Variants in CELA3A observed in about 807,000 individuals in gnomAD.
The protein encoded by CELA3A is chymotrypsin-like elastase family member 3A.
A neutral mutation model predicts 38.6 loss-of-function variants in CELA3A; 35 were observed. That is an observed-to-expected ratio of 0.91 (90% CI 0.69 to 1.20). CELA3A has a LOEUF of 1.20. Ranked by LOEUF, CELA3A falls within the 50% of genes most tolerant of loss-of-function variation. The probability of loss-of-function intolerance (pLI) is 0.00; values close to 1 mark genes in which losing one functional copy is unlikely to be tolerated. For synonymous variants in CELA3A, 143 were observed against 136.7 expected (o/e 1.05, Z -0.32); for missense variants, 343 against 354.2 (o/e 0.97, Z 0.25).
In CELA3A at chr1:22,005,691, G is replaced by A. The variant is rs1362569758; in HGVS notation, c.257G>A (p.Gly86Asp). The A allele has an allele frequency of 4.3e-6, 7 of 1,612,458 alleles. No individual in the cohort carries two copies. The highest frequency in any genetic ancestry group is 2.2e-5 in the South Asian group (2 of 91,030). ...SRDLTYQVVLGEYNLAVKEGP... is the reference protein window; with the variant it reads ...SRDLTYQVVLDEYNLAVKEGP... Reference sequence around the variant, plus strand: ...GATCTGACCTACCAGGTGGTGTTGGGTGAGTACAACCTTGCTGTGAAGGAG... The same window carrying A: ...GATCTGACCTACCAGGTGGTGTTGGATGAGTACAACCTTGCTGTGAAGGAG... The change falls in exon 4 of 8, where the codon GGT becomes GAT. Residue 86 changes from glycine to aspartate, a missense_variant. Gly to Asp is a moderately conservative substitution (Grantham distance 94). Transcript: ENST00000290122.
intron 6 of CELA3A, among the ~76,000 whole-genome samples, chr1:22,008,264 T>C (rs1439325142): frequency 6.8e-6 from 1 of 146,216 alleles, no homozygotes; most frequent in African/African-American, 2.5e-5. Context: ...AACCCTCCAA[T>C]GTCAGCCTCC....
chr1:22,001,827 G>A (rs1227120136), intron 1 of CELA3A, 110 bp downstream of exon 1: 27 of 1,476,718 alleles, frequency 1.8e-5, no homozygotes, highest in Non-Finnish European at 2.6e-5. Flanking sequence ...TTCCACAGGA[G>A]GGGGTCTCAG....
rs1022399400 is a variant in CELA3A, at chr1:22,011,420, A to G, written c.796-1030A>G. Among the ~76,000 whole-genome samples the G allele has an allele frequency of 8.0e-5, 11 of 137,280 alleles. 1 individual carries two copies. In the Admixed American group the frequency reaches 8.4e-4, roughly 10 times the overall value. 90.1% of individuals were successfully genotyped at this position (137,280 alleles called of 152,430 possible). A position where few individuals can be genotyped will look rare whatever the true frequency, so the allele number is the denominator to read the frequency against. On this transcript the variant is annotated intron_variant, in intron 7 of 7. Coordinates refer to ENST00000290122, the MANE Select transcript of CELA3A (RefSeq NM_005747.5). ...ACAAACAAACAAAAAAACAGTGATG[A>G]TTTATAGACCATTTAATCCCTTGGT... is the stretch of plus-strand genomic sequence containing the variant.
In CELA3A at chr1:22,005,670, T is replaced by A. The variant is rs777550507; in HGVS notation, c.236T>A (p.Leu79Gln). 7 of 1,612,326 alleles carry A rather than the reference T, an allele frequency of 4.3e-6. No individual in the cohort carries two copies. The Admixed American group carries it at 1.2e-4, about 27-fold the overall frequency. Residue 79 changes from leucine to glutamine, a missense_variant, in exon 4 of 8, where the codon CTG becomes CAG. Physicochemically the swap from Leu to Gln is moderately radical, Grantham distance 113. Coordinates refer to ENST00000290122, the MANE Select transcript of CELA3A (RefSeq NM_005747.5). ...CTCACCTCTGCCTGCAGGAGGGATC[T>A]GACCTACCAGGTGGTGTTGGGTGAG... ...VTAGHCISRD[L>Q]TYQVVLGEYN...
chr1:22,011,736 G>C (rs551319462), intron 7 of CELA3A, among the ~76,000 whole-genome samples: 1 of 123,340 alleles, frequency 8.1e-6, no homozygotes, highest in Non-Finnish European at 1.7e-5. Flanking sequence ...CTCCAGCCTC[G>C]GTGACAGAGC....
chr1:22,005,453 C>A lies in CELA3A; in HGVS notation c.136C>A (p.Leu46Met), dbSNP rs763815717. The change falls in exon 3 of 8, where the codon CTG becomes ATG. Residue 46 changes from leucine to methionine, a missense_variant. By Grantham distance (15) the Leu-to-Met change is conservative. Transcript: ENST00000290122. ...VPYSWPWQVS[L>M]QYEKSGSFYH... The stretch of plus-strand genomic sequence containing the variant: ...TTTCCTCCTGGGCCACCAGGTTTCC[C>A]TGCAGTATGAGAAAAGTGGAAGCTT... The A allele has an allele frequency of 1.3e-5, 21 of 1,612,358 alleles. No individual in the cohort carries two copies. The African/African-American group carries it at 2.5e-4, about 20-fold the overall frequency.
At position 22,009,587 on chromosome 1, in the gene CELA3A, G is replaced by A. The variant is rs192346785; in HGVS notation, c.643-118G>A. 9.2e-5 allele frequency: 116 copies of A among 1,256,334 alleles called. 4 individuals are homozygous for A. The East Asian group carries it at 1.9e-3, about 20-fold the overall frequency. 77.8% of individuals were successfully genotyped at this position (1,256,334 alleles called of 1,614,324 possible). A position where few individuals can be genotyped will look rare whatever the true frequency, so the allele number is the denominator to read the frequency against. On this transcript the variant is annotated intron_variant, in intron 6 of 7. Coordinates refer to ENST00000290122, the MANE Select transcript of CELA3A (RefSeq NM_005747.5). ...AATAATAAATGATAAAAAAATGAGC[G>A]AGCTAAGGCTCAGAGGTGTCAAGTA...
At chr1:22,009,488 G>T (rs1441999895) in intron 6 of CELA3A, among the ~76,000 whole-genome samples, 1 of 151,210 alleles carries the variant, frequency 6.6e-6, no homozygotes, top group Non-Finnish European at 1.5e-5. Context: ...GGAGACGGAG[G>T]TTGCAATGAG....
chr1:22,001,703 T>C lies in CELA3A; in HGVS notation c.29T>C (p.Leu10Pro), dbSNP rs1644919720. Residue 10 changes from leucine (L) to proline (P), a missense_variant, in exon 1 of 8, where the codon CTC becomes CCC. Transcript: ENST00000290122. ...ATGCTCCGGCTGCTCAGTTCCCTCC[T>C]CCTTGTGGCCGTTGGTAAGACCCCA... MMLRLLSSL[L>P]LVAVASGYGP... 8 of 1,612,138 alleles carry C rather than the reference T, an allele frequency of 5.0e-6. No homozygotes were observed. The East Asian group carries it at 1.8e-4, about 36-fold the overall frequency.
rs1644920674 is a variant in CELA3A, at chr1:22,001,859, G to A, written c.43+142G>A. The A allele has an allele frequency of 9.9e-6, 12 of 1,214,664 alleles. No individual in the cohort carries two copies. In the South Asian group the frequency reaches 1.1e-4, roughly 11 times the overall value. The allele number at this position is 1,214,664 out of a possible 1,614,324, so 75.2% of individuals were successfully genotyped here. A position where few individuals can be genotyped will look rare whatever the true frequency, so the allele number is the denominator to read the frequency against. ...TCAGCTTGTACCCGGGGGCATGACT[G>A]TAGGGGCTTTCAGCTTATGATGGAG... On this transcript the variant is annotated intron_variant, in intron 1 of 7. Transcript: ENST00000290122.
chr1:22,010,752 T>A (rs1644979059), intron 7 of CELA3A: 1 of 150,054 alleles, frequency 6.7e-6, no homozygotes, highest in Non-Finnish European at 1.5e-5. Context: ...GCTATACCCA[T>A]CAGGTTCTGC....
chr1:22,001,666 A>C lies in CELA3A; in HGVS notation c.-9A>C, dbSNP rs371787550. The C allele has an allele frequency of 8.7e-6, 14 of 1,611,562 alleles. No homozygotes were observed. The highest frequency in any genetic ancestry group is 1.2e-5 in the Non-Finnish European group (14 of 1,179,298). On this transcript the variant is annotated 5_prime_UTR_variant, in exon 1 of 8. Coordinates refer to ENST00000290122, the MANE Select transcript of CELA3A (RefSeq NM_005747.5). ...GGCTCTGTGCCCTTTTCCTATCATC[A>C]CAAAACTCATGATGCTCCGGCTGCT... is the stretch of plus-strand genomic sequence containing the variant.
intron 4 of CELA3A, among the ~76,000 whole-genome samples, chr1:22,006,589 T>A (rs1379498939): frequency 2.0e-5 from 3 of 150,372 alleles, no homozygotes; most frequent in African/African-American, 7.4e-5. Flanking sequence ...CCAGGTATAG[T>A]GGCTCATGCC....
chr1:22,008,945 A>G (rs1206313778), intron 6 of CELA3A, among the ~76,000 whole-genome samples: 1 of 151,642 alleles, frequency 6.6e-6, no homozygotes, highest in Non-Finnish European at 1.5e-5. Flanking sequence ...ACTATTCCCT[A>G]TCACAAATGA....
Position 22,006,912 on chromosome 1 carries a change from G to A in CELA3A, c.397G>A (p.Ala133Thr), listed in dbSNP as rs368803904. ...CGCCCTCATCAAGCTCTCACGCAGC[G>A]CCCAGCTGGGAGATGCCGTCCAGCT... ...DIALIKLSRS[A>T]QLGDAVQLAS... is the part of the protein sequence containing the mutation. The change falls in exon 5 of 8, where the codon GCC becomes ACC. Residue 133 changes from alanine to threonine, a missense_variant. Coordinates refer to ENST00000290122, the MANE Select transcript of CELA3A (RefSeq NM_005747.5). 114 of 1,612,182 alleles carry A rather than the reference G, an allele frequency of 7.1e-5. 6 individuals are homozygous for A. In the African/African-American group the frequency reaches 1.0e-3, roughly 14 times the overall value.
intron 2 of CELA3A, among the ~76,000 whole-genome samples, chr1:22,003,854 G>A (rs1244122384): frequency 1.3e-5 from 2 of 150,192 alleles, no homozygotes; most frequent in Non-Finnish European, 3.0e-5. Flanking sequence ...ACAGGCACGC[G>A]CCACCAAGCC....
chr1:22,003,770 A>G (rs1220226860), intron 2 of CELA3A, among the ~76,000 whole-genome samples: 1 of 150,984 alleles, frequency 6.6e-6, no homozygotes, highest in Non-Finnish European at 1.5e-5. Context: ...CAATGGCACA[A>G]TCTTGGCTCA....
intron 7 of CELA3A, chr1:22,010,880 T>C (rs988273001): frequency 6.7e-6 from 1 of 149,428 alleles, no homozygotes; most frequent in Non-Finnish European, 1.5e-5. Flanking sequence ...TGCTGAAAAG[T>C]AGTAGGATCA....
intron 3 of CELA3A, 38 bp from the exon 4 acceptor site, chr1:22,005,624 G>C: frequency 6.2e-7 from 1 of 1,612,186 alleles, no homozygotes; most frequent in Non-Finnish European, 8.5e-7. Flanking sequence ...AGGGAGGTGA[G>C]CCAGTCAGGC....
Sources: allele counts gnomAD v4.1 joint callset (sites outside exome capture counted in the v4.1 genomes callset), GRCh38; gene constraint gnomAD v4.1.1; transcripts MANE v1.5; gene names NCBI Gene and HGNC (gene_info 2026-07-23, HGNC 2026-07-21).